C2CD5: variants seen among roughly 807,000 people sequenced by gnomAD.
C2CD5 encodes the protein C2 domain-containing protein 5.
In C2CD5, 109 loss-of-function variants were observed where a neutral mutation model predicts 130.3. That is an observed-to-expected ratio of 0.84 (90% confidence interval 0.72 to 0.98). The LOEUF is 0.98. Ranked by LOEUF, C2CD5 falls within the 50% of genes least tolerant of loss-of-function variation. C2CD5 has a pLI of 0.00. For synonymous variants in C2CD5, 454 were observed against 429.2 expected (o/e 1.06, Z -0.71); for missense variants, 996 against 1,261.8 (o/e 0.79, Z 3.19).
intron 10 of C2CD5, among the ~76,000 whole-genome samples, chr12:22,497,186 T>C (rs1324115388): frequency 6.6e-6 from 1 of 152,136 alleles, no homozygotes; most frequent in Non-Finnish European, 1.5e-5. Flanking sequence ...TTGCAGATTC[T>C]TTTAATACGG....
chr12:22,507,173 C>T (rs1457621606), intron 9 of C2CD5, among the ~76,000 whole-genome samples: 3 of 142,068 alleles, frequency 2.1e-5, no homozygotes, highest in Non-Finnish European at 4.4e-5. Flanking sequence ...TATCCCTCTT[C>T]CCCTTTATCT....
chr12:22,471,630 A>C, intron 19 of C2CD5, 142 bp from the exon 20 acceptor site: 1 of 506,150 alleles, frequency 2.0e-6, no homozygotes, highest in Non-Finnish European at 3.6e-6. Flanking sequence ...GTGTATTTTT[A>C]CACTAACGAT....
chr12:22,525,163 A>T (rs17425013), intron 5 of C2CD5, among the ~76,000 whole-genome samples: 6,356 of 152,264 alleles, frequency 0.042, 170 homozygotes, highest in South Asian at 0.11. Flanking sequence ...GTCTCTTAAA[A>T]TAAACATTGG....
Position 22,517,429 on chromosome 12 carries a change from A to T in C2CD5, c.952+557T>A, listed in dbSNP as rs181926276. 3.6e-3 allele frequency among the ~76,000 whole-genome samples: 546 copies of T among 152,158 alleles called. 1 individual carries two copies. The highest frequency in any genetic ancestry group is 8.3e-3 in the South Asian group (40 of 4,822). On this transcript the variant is annotated intron_variant, in intron 8 of 26. Transcript: ENST00000446597. The stretch of plus-strand genomic sequence containing the variant: ...AATCATTCATCAAAATACAATAGAA[A>T]ATACAAATTTAATGAACAGAAAAAT...
chr12:22,470,493 G>A (rs1306581019), intron 21 of C2CD5, among the ~76,000 whole-genome samples: 1 of 152,090 alleles, frequency 6.6e-6, no homozygotes, highest in African/African-American at 2.4e-5. Flanking sequence ...TACTACATCA[G>A]TAGGTCCTCA....
chr12:22,450,480 T>C (rs1938337857), intron 26 of C2CD5, among the ~76,000 whole-genome samples: 1 of 152,094 alleles, frequency 6.6e-6, no homozygotes, highest in Admixed American at 6.6e-5. Flanking sequence ...AAATACTATA[T>C]GGAAGTGAAA....
intron 14 of C2CD5, among the ~76,000 whole-genome samples, chr12:22,481,649 CTTTTT>C (rs34990025): frequency 1.7e-5 from 2 of 116,446 alleles, no homozygotes; most frequent in Non-Finnish European, 3.5e-5. Flanking sequence ...AGAAACACAC[CTTTTT>C]TTTTTTTTTT....
At chr12:22,471,549 T>A in intron 19 of C2CD5, 61 bp from the exon 20 acceptor site, 1 of 920,538 alleles carries the variant, frequency 1.1e-6, no homozygotes, top group Non-Finnish European at 1.7e-6. Context: ...AAAAGCTGAT[T>A]TTTTTAATGT....
At chr12:22,518,230 C>A (rs563585622) in intron 7 of C2CD5, 93 bp from the exon 8 acceptor site, 42 of 1,167,778 alleles carry the variant, frequency 3.6e-5, no homozygotes, top group African/African-American at 2.7e-4. Context: ...AGAATTGGGG[C>A]AGGGCCAGCA....
chr12:22,493,253 A>G lies in C2CD5; in HGVS notation c.1232T>C (p.Val411Ala). The G allele has an allele frequency of 6.2e-7, 1 of 1,609,688 alleles. No individual in the cohort carries two copies. Among genetic ancestry groups the G allele is most frequent in the Admixed American group, 1.7e-5 (1 of 59,950 alleles). Residue 411 changes from valine to alanine, a missense_variant, in exon 11 of 27, where the codon GTA (valine) becomes GCA (alanine). Coordinates refer to ENST00000446597, the MANE Select transcript of C2CD5 (RefSeq NM_001286176.2). ...GCTAGTTGATTCACTGTAGCCCACT[A>G]CAGCATGACAGCCTAATGCTTTAGC... ...SHAKALGCHA[V>A]VGYSESTSIC... is the part of the protein sequence containing the mutation.
intron 23 of C2CD5, 47 bp downstream of exon 23, chr12:22,459,445 A>G: frequency 7.9e-7 from 1 of 1,257,974 alleles, no homozygotes; most frequent in Non-Finnish European, 1.1e-6. Context: ...CCACCAAACT[A>G]GAATTTTACA....
At chr12:22,485,197 C>T (rs2136342634) in intron 12 of C2CD5, among the ~76,000 whole-genome samples, 1 of 152,026 alleles carries the variant, frequency 6.6e-6, no homozygotes, top group African/African-American at 2.4e-5. Context: ...TGGGATACAA[C>T]ATTTTTAAAA....
chr12:22,458,329 T>C (rs1940391470), intron 24 of C2CD5, among the ~76,000 whole-genome samples, 155 bp downstream of exon 24: 1 of 152,210 alleles, frequency 6.6e-6, no homozygotes, highest in African/African-American at 2.4e-5. Flanking sequence ...TTTCAAAAGC[T>C]TTTCCTAAAT....
chr12:22,532,339 A>G (rs981349301), intron 3 of C2CD5, among the ~76,000 whole-genome samples: 1 of 152,056 alleles, frequency 6.6e-6, no homozygotes, highest in Non-Finnish European at 1.5e-5. Context: ...TCAAAAAAAA[A>G]AAAAAGTTTA....
intron 15 of C2CD5, 124 bp from the exon 16 acceptor site, chr12:22,475,015 C>T (rs1943636865): frequency 2.0e-5 from 11 of 546,202 alleles, no homozygotes; most frequent in South Asian, 4.1e-5. Context: ...CAGTGAAGTC[C>T]GTACTTAAGT....
chr12:22,493,397 A>G, intron 10 of C2CD5, 60 bp from the exon 11 acceptor site: 1 of 824,252 alleles, frequency 1.2e-6, no homozygotes. Flanking sequence ...TATGAACATG[A>G]AATGTTTAAA....
chr12:22,492,644 G>C (rs1946497282), intron 11 of C2CD5, among the ~76,000 whole-genome samples: 2 of 152,126 alleles, frequency 1.3e-5, no homozygotes, highest in Non-Finnish European at 2.9e-5. Flanking sequence ...TGGAACAGTA[G>C]CGTGGCATGT....
At chr12:22,454,069 T>C in intron 25 of C2CD5, 27 bp from the exon 26 acceptor site, 8 of 1,583,022 alleles carry the variant, frequency 5.1e-6, no homozygotes, top group Non-Finnish European at 6.9e-6. Context: ...AGGAAAATCA[T>C]ACTATATATA....
chr12:22,515,504 C>T (rs1262070921), intron 8 of C2CD5, among the ~76,000 whole-genome samples: 5 of 152,020 alleles, frequency 3.3e-5, no homozygotes, highest in Admixed American at 1.3e-4. Flanking sequence ...CAAATGTACC[C>T]CATTTTCAAA....
Sources: allele counts gnomAD v4.1 joint callset (sites outside exome capture counted in the v4.1 genomes callset), GRCh38; gene constraint gnomAD v4.1.1; transcripts MANE v1.5; gene names NCBI Gene and HGNC (gene_info 2026-07-23, HGNC 2026-07-21).